TENM3: variants seen among roughly 807,000 people sequenced by gnomAD.
TENM3 encodes the protein teneurin transmembrane protein 3.
In TENM3, 63 loss-of-function variants were observed where a neutral mutation model predicts 255.1. The ratio of observed to expected loss-of-function variants is 0.25; its 90% confidence interval spans 0.20 to 0.30. The LOEUF is 0.30. Among genes scored for constraint, TENM3 ranks in the 10% least tolerant of loss-of-function variants. TENM3 has a pLI of 1.00. For synonymous variants in TENM3, 1,306 were observed against 1,322.3 expected (o/e 0.99, Z 0.27); for missense variants, 2,929 against 3,461.1 (o/e 0.85, Z 3.86).
At chr4:182,230,242 G>GA (rs1329358540) in intron 1 of TENM3, among the ~76,000 whole-genome samples, 1 of 151,896 alleles carries the variant, frequency 6.6e-6, no homozygotes, top group Non-Finnish European at 1.5e-5. Flanking sequence ...GAAGCCCCAT[G>GA]AAGCGCAAAA....
At chr4:182,448,957 T>A (rs564058067) in intron 3 of TENM3, 21 of 393,764 alleles carry the variant, frequency 5.3e-5, no homozygotes, top group African/African-American at 2.4e-4. Flanking sequence ...CAGCCTATCA[T>A]GTCTGGCCGC....
At chr4:182,087,715 C>T in the TENM3 span, among the ~76,000 whole-genome samples, 1 of 151,622 alleles carries the variant, frequency 6.6e-6, no homozygotes, top group Admixed American at 6.6e-5. Context: ...TTTTACTTGA[C>T]CCTTGGCACA....
intron 3 of TENM3, among the ~76,000 whole-genome samples, chr4:182,561,502 G>T (rs2151972691): frequency 6.6e-6 from 1 of 151,620 alleles, no homozygotes; most frequent in African/African-American, 2.4e-5. Context: ...ATTATGGATA[G>T]TTTTAGTTTT....
At chr4:181,641,903 G>A in the TENM3 span, among the ~76,000 whole-genome samples, 2 of 136,626 alleles carry the variant, frequency 1.5e-5, no homozygotes, top group Non-Finnish European at 3.1e-5. Flanking sequence ...CCAAGTCTTT[G>A]TTATTGTGAA....
chr4:182,546,360 C>T (rs1259944727), intron 3 of TENM3, among the ~76,000 whole-genome samples: 3 of 152,190 alleles, frequency 2.0e-5, no homozygotes, highest in East Asian at 1.9e-4. Context: ...AATGCTGTAA[C>T]ATTCCAAGCA....
intron 6 of TENM3, among the ~76,000 whole-genome samples, chr4:182,669,755 A>G (rs1755048086): frequency 6.6e-6 from 1 of 152,194 alleles, no homozygotes; most frequent in South Asian, 2.1e-4. Context: ...ATAAAAAGCA[A>G]AGATTTTATT....
intron 12 of TENM3, among the ~76,000 whole-genome samples, chr4:182,698,898 T>A (rs186151330): frequency 1.1e-3 from 170 of 152,290 alleles, no homozygotes; most frequent in African/African-American, 3.9e-3. Context: ...AAAAGGAACA[T>A]TTTTTGAGGC....
intron 3 of TENM3, among the ~76,000 whole-genome samples, chr4:182,534,671 T>C (rs890824539): frequency 1.3e-5 from 2 of 152,184 alleles, no homozygotes; most frequent in Non-Finnish European, 2.9e-5. Flanking sequence ...ATTAAGCAAA[T>C]TGCCTAAGGA....
intron 1 of TENM3, among the ~76,000 whole-genome samples, chr4:182,160,909 A>G (rs2149628671): frequency 8.8e-6 from 1 of 113,374 alleles, no homozygotes; most frequent in South Asian, 2.4e-4. Context: ...TAATGTATAC[A>G]TGTGGATTGA....
chr4:182,560,378 G>C (rs779762322), intron 3 of TENM3, among the ~76,000 whole-genome samples: 2 of 152,000 alleles, frequency 1.3e-5, no homozygotes, highest in Non-Finnish European at 2.9e-5. Flanking sequence ...CATTCCCAAG[G>C]TGATTCAGCC....
the TENM3 span, among the ~76,000 whole-genome samples, chr4:182,102,720 G>A: frequency 6.6e-6 from 1 of 152,170 alleles, no homozygotes; most frequent in Middle Eastern, 3.2e-3. Flanking sequence ...ATCTAGGTCT[G>A]AGCCTGCCTC....
At chr4:182,213,677 A>G (rs1755206394) in intron 1 of TENM3, among the ~76,000 whole-genome samples, 1 of 152,254 alleles carries the variant, frequency 6.6e-6, no homozygotes, top group Non-Finnish European at 1.5e-5. Flanking sequence ...ACTGCTTCTT[A>G]GCTCTATTTG....
At chr4:182,045,012 T>C in the TENM3 span, among the ~76,000 whole-genome samples, 30 of 152,238 alleles carry the variant, frequency 2.0e-4, no homozygotes, top group African/African-American at 7.0e-4. Flanking sequence ...GTTTGTTGTC[T>C]TGTAGAACAA....
At chr4:182,552,763 G>C (rs1038828141) in intron 3 of TENM3, among the ~76,000 whole-genome samples, 7 of 152,216 alleles carry the variant, frequency 4.6e-5, no homozygotes, top group Non-Finnish European at 8.8e-5. Flanking sequence ...GGTTAGACTT[G>C]AGAGTCTAAG....
At chr4:181,599,731 C>A in the TENM3 span, among the ~76,000 whole-genome samples, 17 of 152,084 alleles carry the variant, frequency 1.1e-4, no homozygotes, top group Admixed American at 7.9e-4. Flanking sequence ...AAGGTAATTG[C>A]TAATTTTATT....
intron 3 of TENM3, among the ~76,000 whole-genome samples, chr4:182,462,787 T>C (rs1732161885): frequency 6.6e-6 from 1 of 151,734 alleles, no homozygotes; most frequent in South Asian, 2.1e-4. Context: ...CTTGGAAGGC[T>C]GAGGCAGGAG....
chr4:182,197,604 TA>T (rs1168047684), intron 1 of TENM3, among the ~76,000 whole-genome samples: 1 of 152,246 alleles, frequency 6.6e-6, no homozygotes, highest in Non-Finnish European at 1.5e-5. Context: ...AAAAAATGTG[TA>T]AAGGGCCCTA....
At chr4:181,971,921 T>A in the TENM3 span, among the ~76,000 whole-genome samples, 6 of 152,046 alleles carry the variant, frequency 3.9e-5, no homozygotes, top group Non-Finnish European at 5.9e-5. Flanking sequence ...TCTGAGCTAA[T>A]TGAATTAATT....
At chr4:182,241,134 C>T (rs1188490132), upstream of TENM3, among the ~76,000 whole-genome samples, 2 of 152,158 alleles carry the variant, frequency 1.3e-5, no homozygotes, top group Non-Finnish European at 2.9e-5. Context: ...TCATTCCTTG[C>T]AGAGTTGGGA....
Sources: allele counts gnomAD v4.1 joint callset (sites outside exome capture counted in the v4.1 genomes callset), GRCh38; gene constraint gnomAD v4.1.1; transcripts MANE v1.5; gene names NCBI Gene and HGNC (gene_info 2026-07-23, HGNC 2026-07-21).